Variants in LRRTM4 observed in about 807,000 individuals in gnomAD.
LRRTM4 encodes the protein leucine-rich repeat transmembrane neuronal protein 4.
LRRTM4 carries 25 observed loss-of-function variants against 47.6 expected under a neutral mutation model. The ratio of observed to expected loss-of-function variants is 0.53; its 90% CI spans 0.38 to 0.73. The LOEUF is 0.73. Ranked by LOEUF, LRRTM4 falls within the 30% of genes least tolerant of loss-of-function variation. The pLI, the probability that LRRTM4 is intolerant of heterozygous loss-of-function variation, is 0.00. For missense variants in LRRTM4, 638 were observed against 713.4 expected, an observed-to-expected ratio of 0.89 and a Z score of 1.20; for synonymous variants, 311 against 269.5, an observed-to-expected ratio of 1.15 and a Z score of -1.51.
chr2:76,789,055 T>C (rs1410835615), intron 3 of LRRTM4, among the ~76,000 whole-genome samples: 5 of 152,170 alleles, frequency 3.3e-5, no homozygotes, highest in Non-Finnish European at 7.4e-5. Context: ...TGCTGTGCTT[T>C]TTCTATTACA....
intron 3 of LRRTM4, among the ~76,000 whole-genome samples, chr2:77,224,087 C>G (rs1430521609): frequency 6.6e-5 from 10 of 151,258 alleles, no homozygotes; most frequent in Non-Finnish European, 1.5e-5. Context: ...TTTGACAAAC[C>G]TGAGAAAAAC....
rs185132370 is a variant in LRRTM4, at chr2:77,463,302, T to C, written c.1551+55016A>G. On this transcript the variant is annotated intron_variant, in intron 3 of 3. Coordinates refer to ENST00000409884, the MANE Select transcript of LRRTM4 (RefSeq NM_001134745.3). ...CCACAGTTGTATATGTGGACCATCA[T>C]TGATGAAAGCATTGTTATGTGGCAC... Among the ~76,000 whole-genome samples, 8 of 152,218 alleles carry C rather than the reference T, an allele frequency of 5.3e-5. No individual in the cohort carries two copies. In the South Asian group the frequency reaches 8.3e-4, roughly 16 times the overall value.
chr2:77,453,019 T>C (rs904585772), intron 3 of LRRTM4, among the ~76,000 whole-genome samples: 24 of 151,912 alleles, frequency 1.6e-4, no homozygotes, highest in African/African-American at 5.6e-4. Context: ...AATTAATTTT[T>C]TGATAAAGGG....
chr2:77,457,861 G>T (rs1676621827), intron 3 of LRRTM4, among the ~76,000 whole-genome samples: 1 of 152,050 alleles, frequency 6.6e-6, no homozygotes, highest in African/African-American at 2.4e-5. Flanking sequence ...CAGCTCAAAG[G>T]TCACTTTGTA....
intron 3 of LRRTM4, among the ~76,000 whole-genome samples, chr2:77,251,001 G>A (rs554202962): frequency 2.4e-4 from 37 of 151,978 alleles, no homozygotes; most frequent in Admixed American, 1.6e-3. Flanking sequence ...TATTTGGAAG[G>A]CTGAGGCAGG....
intron 3 of LRRTM4, among the ~76,000 whole-genome samples, chr2:76,945,990 T>A (rs1197488189): frequency 2.0e-5 from 3 of 151,990 alleles, no homozygotes; most frequent in Non-Finnish European, 4.4e-5. Context: ...CATGATATTT[T>A]AACTTTTCAA....
At chr2:77,360,407 A>T (rs1475179472) in intron 3 of LRRTM4, among the ~76,000 whole-genome samples, 2 of 152,146 alleles carry the variant, frequency 1.3e-5, no homozygotes, top group Admixed American at 1.3e-4. Flanking sequence ...CAGTGAGCCA[A>T]GATCACGGCC....
chr2:77,008,938 G>GAAAAAAAAAAAAAAAAAA, intron 3 of LRRTM4: 1 of 81,886 alleles, frequency 1.2e-5, no homozygotes, highest in South Asian at 4.0e-4. Flanking sequence ...GAGCCAACAA[G>GAAAAAAAAAAAAAAAAAA]AAAAAAAAGA....
At chr2:77,116,597 G>A (rs556389261) in intron 3 of LRRTM4, among the ~76,000 whole-genome samples, 6 of 152,026 alleles carry the variant, frequency 3.9e-5, no homozygotes, top group African/African-American at 9.7e-5. Flanking sequence ...TGTGTAGCCC[G>A]ACAAGCTAAC....
chr2:76,888,064 T>TATATATATAC (rs1228248403), intron 3 of LRRTM4, among the ~76,000 whole-genome samples: 4 of 150,526 alleles, frequency 2.7e-5, no homozygotes, highest in Admixed American at 1.3e-4. Context: ...TGTGTGTTTG[T>TATATATATAC]ATATATATAC....
intron 3 of LRRTM4, among the ~76,000 whole-genome samples, chr2:77,286,204 G>C (rs1420875986): frequency 6.6e-6 from 1 of 152,014 alleles, no homozygotes; most frequent in East Asian, 1.9e-4. Flanking sequence ...TTCTGCTGGA[G>C]TATATAGGTT....
intron 3 of LRRTM4, among the ~76,000 whole-genome samples, chr2:77,437,141 T>C (rs1378143887): frequency 6.6e-6 from 1 of 152,052 alleles, no homozygotes; most frequent in African/African-American, 2.4e-5. Flanking sequence ...TATTGGTCTG[T>C]TACATTTCTA....
intron 3 of LRRTM4, among the ~76,000 whole-genome samples, chr2:77,378,817 G>A (rs1194380107): frequency 6.6e-6 from 1 of 152,066 alleles, no homozygotes; most frequent in Non-Finnish European, 1.5e-5. Context: ...GTCTGGTTAT[G>A]GTAAATATTG....
At chr2:77,276,988 G>A (rs1354605746) in intron 3 of LRRTM4, among the ~76,000 whole-genome samples, 1 of 151,620 alleles carries the variant, frequency 6.6e-6, no homozygotes, top group East Asian at 1.9e-4. Context: ...TTGAGATAAT[G>A]GCTGTATATT....
chr2:77,369,030 G>A (rs1417188858), intron 3 of LRRTM4, among the ~76,000 whole-genome samples: 9 of 151,476 alleles, frequency 5.9e-5, no homozygotes, highest in East Asian at 1.9e-4. Flanking sequence ...TGATAATGGC[G>A]ATTCAAACAG....
At chr2:77,487,917 G>C (rs1356773352) in intron 3 of LRRTM4, among the ~76,000 whole-genome samples, 1 of 152,136 alleles carries the variant, frequency 6.6e-6, no homozygotes, top group East Asian at 1.9e-4. Context: ...CTGTGCTGTT[G>C]CTCAATAAAG....
At chr2:76,982,760 C>T (rs1294505733) in intron 3 of LRRTM4, among the ~76,000 whole-genome samples, 3 of 151,712 alleles carry the variant, frequency 2.0e-5, no homozygotes, top group Non-Finnish European at 4.4e-5. Flanking sequence ...TAATAAAAGC[C>T]GATGTTAAAA....
chr2:76,846,475 G>A (rs893481830), intron 3 of LRRTM4, among the ~76,000 whole-genome samples: 8 of 152,084 alleles, frequency 5.3e-5, no homozygotes, highest in Admixed American at 1.3e-4. Context: ...CATTTTACAT[G>A]TATATGTACA....
intron 3 of LRRTM4, among the ~76,000 whole-genome samples, chr2:77,191,262 C>G (rs996383830): frequency 6.6e-6 from 1 of 151,710 alleles, no homozygotes; most frequent in Admixed American, 6.6e-5. Context: ...AAAACACACT[C>G]CTAGATAACT....
Sources: allele counts gnomAD v4.1 joint callset (sites outside exome capture counted in the v4.1 genomes callset), GRCh38; gene constraint gnomAD v4.1.1; transcripts MANE v1.5; gene names NCBI Gene and HGNC (gene_info 2026-07-23, HGNC 2026-07-21).